The following CHID1 variants were observed in gnomAD, a reference collection of about 807,000 sequenced individuals.
CHID1 encodes chitinase domain containing 1.
Under a neutral mutation model 55.4 loss-of-function variants are expected in CHID1, and 44 were observed. The observed-to-expected ratio is 0.79, with a 90% CI of 0.62 to 1.02. The LOEUF is 1.02. Among genes scored for constraint, CHID1 ranks in the 50% least tolerant of loss-of-function variants. CHID1 has a pLI of 0.00. For synonymous variants in CHID1, 216 were observed against 212.9 expected (o/e 1.01, Z -0.13); for missense variants, 491 against 515.3 (o/e 0.95, Z 0.46).
intron 10 of CHID1, among the ~76,000 whole-genome samples, chr11:871,316 T>C (rs1426573876): frequency 1.3e-5 from 2 of 152,120 alleles, no homozygotes; most frequent in Non-Finnish European, 2.9e-5. Context: ...AGACTGAGTC[T>C]GCCTCAGTCT....
chr11:870,092 C>G, intron 12 of CHID1, 29 bp downstream of exon 12: 1 of 1,612,262 alleles, frequency 6.2e-7, no homozygotes, highest in Non-Finnish European at 8.5e-7. Flanking sequence ...CCACCCCTCC[C>G]CCGGTCCCAC....
upstream of CHID1, chr11:911,002 C>T (rs1852649821): frequency 6.0e-6 from 1 of 166,558 alleles, no homozygotes; most frequent in Non-Finnish European, 1.2e-5. Context: ...GGGCCCGGCG[C>T]GTTCACCTTG....
chr11:893,373 C>T, intron 8 of CHID1, 54 bp downstream of exon 8: 2 of 1,456,810 alleles, frequency 1.4e-6, no homozygotes, highest in Non-Finnish European at 1.9e-6. Flanking sequence ...CACTGGCTGC[C>T]CCCGACCCCA....
In CHID1 at chr11:883,257, C is replaced by T; in HGVS notation, c.850G>A (p.Val284Ile). ...CGCCACTTGGACTTCGGGTCCAGGA[C>T]CTGGACGCAGGCTCGAACCCAGGAC... is the stretch of plus-strand genomic sequence containing the variant. ...PLSWVRACVQ[V>I]LDPKSKWRSK... Residue 284 changes from valine (V) to isoleucine (I), a missense_variant, in exon 10 of 13, where the codon GTC (valine) becomes ATC (isoleucine). Coordinates refer to ENST00000323578, the MANE Select transcript of CHID1 (RefSeq NM_023947.4). 1 of 1,614,154 alleles carries T rather than the reference C, an allele frequency of 6.2e-7. No individual in the cohort carries two copies. Among genetic ancestry groups the T allele is most frequent in the Non-Finnish European group, 8.5e-7 (1 of 1,179,992 alleles).
chr11:876,595 GC>G (rs1370601073), intron 10 of CHID1, among the ~76,000 whole-genome samples: 1 of 152,218 alleles, frequency 6.6e-6, no homozygotes, highest in East Asian at 1.9e-4. Context: ...CAGCAGGGTT[GC>G]CTCTGCCTGT....
rs1037987785 is a variant in CHID1 at position 869,838 on chromosome 11, G to A, written c.*20C>T. ...TGGCTTAGAAAAGAACACGTCCACC[G>A]CGGAGGCCGCAATGCCCACCTAGAG... On this transcript the variant is annotated 3_prime_UTR_variant, in exon 13 of 13. Transcript: ENST00000323578. 30 of 1,603,150 alleles carry A rather than the reference G, an allele frequency of 1.9e-5. No individual in the cohort carries two copies. Among genetic ancestry groups the A allele is most frequent in the African/African-American group, 5.4e-5 (4 of 74,672 alleles).
chr11:890,001 A>G (rs1162207447), intron 8 of CHID1, among the ~76,000 whole-genome samples: 1 of 149,986 alleles, frequency 6.7e-6, no homozygotes, highest in African/African-American at 2.5e-5. Flanking sequence ...TGGCTGCTCT[A>G]CTGTTCTCAG....
intron 3 of CHID1, 112 bp from the exon 4 acceptor site, chr11:902,442 G>C: frequency 8.2e-7 from 1 of 1,222,034 alleles, no homozygotes; most frequent in South Asian, 1.4e-5. Flanking sequence ...AGCGTAGACA[G>C]ATACCAGCCC....
rs553133586 is a variant in CHID1, at chr11:901,080, T to C, written c.395-100A>G. ...AACGTGGCAGCCGCACAATACGCAA[T>C]GGGAAGGGCAGGGGCGGGCAGGCAG... On this transcript the variant is annotated intron_variant, in intron 4 of 12. Coordinates refer to ENST00000323578, the MANE Select transcript of CHID1 (RefSeq NM_023947.4). The C allele has an allele frequency of 2.0e-5, 22 of 1,124,156 alleles. No homozygotes were observed. The African/African-American group carries it at 2.2e-4, about 11-fold the overall frequency. The allele number at this position is 1,124,156 out of a possible 1,614,324, so 69.6% of individuals were successfully genotyped here.
At chr11:884,968 C>CG (rs1045984787) in intron 8 of CHID1, among the ~76,000 whole-genome samples, 2 of 152,226 alleles carry the variant, frequency 1.3e-5, no homozygotes, top group African/African-American at 4.8e-5. Flanking sequence ...TGCTGGCCTA[C>CG]GGCCCCTCCA....
intron 1 of CHID1, among the ~76,000 whole-genome samples, chr11:909,883 A>C (rs914436484): frequency 2.6e-5 from 4 of 152,088 alleles, no homozygotes; most frequent in African/African-American, 4.8e-5. Context: ...AACGTGATGA[A>C]ACCCAGTCTC....
At chr11:883,918 C>T in intron 9 of CHID1, 150 bp downstream of exon 9, 1 of 658,906 alleles carries the variant, frequency 1.5e-6, no homozygotes, top group African/African-American at 1.8e-5. Flanking sequence ...ACTGGCTTCC[C>T]TCAGGTGGGT....
intron 8 of CHID1, among the ~76,000 whole-genome samples, chr11:886,912 C>T (rs1589849815): frequency 6.6e-6 from 1 of 152,246 alleles, no homozygotes; most frequent in Non-Finnish European, 1.5e-5. Context: ...TCATGAATAA[C>T]ATGGTTGAGC....
chr11:907,044 A>G (rs1852277892), intron 1 of CHID1, among the ~76,000 whole-genome samples: 1 of 152,198 alleles, frequency 6.6e-6, no homozygotes, highest in South Asian at 2.1e-4. Context: ...ACAAAGAAAC[A>G]AAACAAAAAA....
chr11:884,023 C>G, intron 9 of CHID1, 45 bp downstream of exon 9: 2 of 1,438,794 alleles, frequency 1.4e-6, no homozygotes, highest in Non-Finnish European at 2.0e-6. Flanking sequence ...CACTGCTGCA[C>G]TGTGGAGTTT....
chr11:908,667 G>C, intron 1 of CHID1: 1 of 965,982 alleles, frequency 1.0e-6, no homozygotes, highest in Non-Finnish European at 1.2e-6. Flanking sequence ...AGGAAGGAAA[G>C]GAATGAAAAA....
chr11:902,099 C>T (rs962478738), intron 4 of CHID1, 99 bp downstream of exon 4: 1 of 1,425,350 alleles, frequency 7.0e-7, no homozygotes. Context: ...CAGAGACACC[C>T]ACAGAGACAT....
At chr11:907,342 A>G (rs1489417202) in intron 1 of CHID1, among the ~76,000 whole-genome samples, 1 of 152,114 alleles carries the variant, frequency 6.6e-6, no homozygotes, top group Non-Finnish European at 1.5e-5. Context: ...TTAGCCAGGC[A>G]TGGTGGCAGG....
chr11:872,002 C>G (rs889336816), intron 10 of CHID1, among the ~76,000 whole-genome samples: 2 of 152,328 alleles, frequency 1.3e-5, no homozygotes, highest in African/African-American at 2.4e-5. Flanking sequence ...GCCACCCCCC[C>G]AGCAGTGCTC....
Sources: allele counts gnomAD v4.1 joint callset (sites outside exome capture counted in the v4.1 genomes callset), GRCh38; gene constraint gnomAD v4.1.1; transcripts MANE v1.5; gene names NCBI Gene and HGNC (gene_info 2026-07-23, HGNC 2026-07-21).